Variants in CUBN observed in about 807,000 individuals in gnomAD.
CUBN encodes the protein cubilin.
Under a neutral mutation model 405.3 loss-of-function variants are expected in CUBN, and 282 were observed. That is an observed-to-expected ratio of 0.70 (90% CI 0.63 to 0.77). CUBN has a LOEUF of 0.77. Among genes scored for constraint, CUBN ranks in the 30% least tolerant of loss-of-function variants. The probability of loss-of-function intolerance (pLI) is 0.00; values close to 1 mark genes in which losing one functional copy is unlikely to be tolerated. For missense variants in CUBN, 4,514 were observed against 4,475.2 expected (o/e 1.01, Z -0.25); for synonymous variants, 1,684 against 1,617.0 (o/e 1.04, Z -0.99).
chr10:17,100,668 A>T (rs558686319), intron 13 of CUBN, among the ~76,000 whole-genome samples: 139 of 152,344 alleles, frequency 9.1e-4, no homozygotes, highest in African/African-American at 3.2e-3. Flanking sequence ...GTGGCCTGTT[A>T]TCAAACACAC....
At chr10:17,129,440 G>A (rs1226608809) in intron 1 of CUBN, among the ~76,000 whole-genome samples, 190 bp from the exon 2 acceptor site, 4 of 152,156 alleles carry the variant, frequency 2.6e-5, no homozygotes, top group African/African-American at 9.7e-5. Context: ...CCTGGCAATT[G>A]CAAACAGATT....
chr10:17,098,424 C>T lies in CUBN; in HGVS notation c.1765+1581G>A, dbSNP rs115963586. On this transcript the variant is annotated intron_variant, in intron 14 of 66. Coordinates refer to ENST00000377833, the MANE Select transcript of CUBN (RefSeq NM_001081.4). Reference sequence around the variant, plus strand: ...ATAGTAGTTGACATAGGAAAGAACACTCTTCATCTGATAAAAATTATCTGT... The same window carrying T: ...ATAGTAGTTGACATAGGAAAGAACATTCTTCATCTGATAAAAATTATCTGT... Among the ~76,000 whole-genome samples, 421 of 152,318 alleles carry T rather than the reference C, an allele frequency of 2.8e-3. 1 individual carries two copies. Among genetic ancestry groups the T allele is most frequent in the Non-Finnish European group, 4.5e-3 (307 of 68,016 alleles).
intron 28 of CUBN, among the ~76,000 whole-genome samples, chr10:17,008,455 TGTGTGTGTGC>T (rs1834091875): frequency 6.7e-6 from 1 of 148,244 alleles, no homozygotes; most frequent in African/African-American, 2.6e-5. Context: ...TGTGTGTGTG[TGTGTGTGTGC>T]GCGCTTAGCC....
rs771478110 is a variant in CUBN, at chr10:16,900,658, C to T, written c.8377G>A (p.Gly2793Arg). 3 of 1,614,092 alleles carry T rather than the reference C, an allele frequency of 1.9e-6. No individual in the cohort carries two copies. Among genetic ancestry groups the T allele is most frequent in the Non-Finnish European group, 2.5e-6 (3 of 1,179,964 alleles). The change falls in exon 53 of 67, where the codon GGA becomes AGA. Residue 2793 changes from glycine (G) to arginine (R), a missense_variant. By Grantham distance (125) the Gly-to-Arg change is moderately radical (BLOSUM62 -2). Around this residue, in one of 5 missense-constraint regions of CUBN, gnomAD observed 1,186 missense variants for 1,186.9 expected, o/e 1.00. Coordinates refer to ENST00000377833, the MANE Select transcript of CUBN (RefSeq NM_001081.4). ...FNSDHSLQGG[G>R]FYATWNTQTL... is the part of the protein sequence containing the mutation. ...TGTGTGTTCCACGTAGCATAAAATCCACCACCTTGCAATGAATGGTCTGAG... is the reference window on the plus strand; with the variant it reads ...TGTGTGTTCCACGTAGCATAAAATCTACCACCTTGCAATGAATGGTCTGAG...
At chr10:16,985,948 C>T (rs1833405527) in intron 29 of CUBN, among the ~76,000 whole-genome samples, 1 of 152,190 alleles carries the variant, frequency 6.6e-6, no homozygotes, top group Non-Finnish European at 1.5e-5. Flanking sequence ...CAAGGATAGC[C>T]TAGGCCAGGC....
chr10:17,001,212 T>C (rs1833869167), intron 28 of CUBN, among the ~76,000 whole-genome samples: 1 of 152,180 alleles, frequency 6.6e-6, no homozygotes, highest in Non-Finnish European at 1.5e-5. Flanking sequence ...ATAAACGTAG[T>C]GCGGACCCAA....
rs954436468 is a variant in CUBN, at chr10:16,999,132, C to T, written c.4169-8617G>A. Among the ~76,000 whole-genome samples, 12 of 152,126 alleles carry T rather than the reference C, an allele frequency of 7.9e-5. No individual in the cohort carries two copies. The East Asian group carries it at 9.6e-4, about 12-fold the overall frequency. The stretch of plus-strand genomic sequence containing the variant: ...AAGCTTAGAAATCAATGCTGTGGAC[C>T]GCTATATAATGACCTTTACATTCCT... On this transcript the variant is annotated intron_variant, in intron 28 of 66. Transcript: ENST00000377833.
chr10:16,826,606 A>T (rs1382534295), intron 66 of CUBN, among the ~76,000 whole-genome samples: 5 of 152,250 alleles, frequency 3.3e-5, no homozygotes, highest in African/African-American at 1.2e-4. Context: ...ATGAAATTAT[A>T]TCCACATTTA....
intron 31 of CUBN, among the ~76,000 whole-genome samples, chr10:16,977,546 T>A (rs926769440): frequency 3.3e-5 from 5 of 152,152 alleles, no homozygotes; most frequent in African/African-American, 1.2e-4. Flanking sequence ...TCCATCCCAC[T>A]GGGAGCTGTC....
intron 40 of CUBN, among the ~76,000 whole-genome samples, chr10:16,932,372 G>T (rs1842386721): frequency 6.6e-6 from 1 of 152,132 alleles, no homozygotes; most frequent in African/African-American, 2.4e-5. Context: ...TGGAGGATGT[G>T]GCCTTTCTGC....
At position 16,913,950 on chromosome 10, in the gene CUBN, G is replaced by A; in HGVS notation, c.7394C>T (p.Ser2465Phe). 1 of 1,614,080 alleles carries A rather than the reference G, an allele frequency of 6.2e-7. No individual in the cohort carries two copies. Among genetic ancestry groups the A allele is most frequent in the East Asian group, 2.2e-5 (1 of 44,866 alleles). Residue 2465 changes from serine (S) to phenylalanine (F), a missense_variant, in exon 48 of 67, where the codon TCT (serine) becomes TTT (phenylalanine). Coordinates refer to ENST00000377833, the MANE Select transcript of CUBN (RefSeq NM_001081.4). Reference protein sequence around the residue: ...DLQGSIGTFTSPNYPNPNPHG... With the variant: ...DLQGSIGTFTFPNYPNPNPHG... ...AGGATTTGGGTTCGGGTAGTTGGGA[G>A]AAGTAAATGTTCCAATAGAGCCCTG...
rs79460816 is a variant in CUBN at position 16,963,494 on chromosome 10, T to C, written c.4696-8946A>G. 2.4e-4 allele frequency among the ~76,000 whole-genome samples: 36 copies of C among 152,292 alleles called. No individual in the cohort carries two copies. In the East Asian group the frequency reaches 6.9e-3, roughly 29 times the overall value. On this transcript the variant is annotated intron_variant, in intron 31 of 66. Transcript: ENST00000377833. ...GAGCCACTGTGCCCGGCCTCATATA[T>C]AAATTTCTAACGAAATTTAACATAC...
chr10:16,913,933 G>C lies in CUBN; in HGVS notation c.7411C>G (p.Pro2471Ala). ...TCGCAGATCCGGCCATGAGGATTTG[G>C]GTTCGGGTAGTTGGGAGAAGTAAAT... is the stretch of plus-strand genomic sequence containing the variant. Reference protein sequence around the residue: ...GTFTSPNYPNPNPHGRICEWR... With the variant: ...GTFTSPNYPNANPHGRICEWR... Residue 2471 changes from proline to alanine, a missense_variant, in exon 48 of 67, where the codon CCA becomes GCA. By Grantham distance (27) the Pro-to-Ala change is conservative. Coordinates refer to ENST00000377833, the MANE Select transcript of CUBN (RefSeq NM_001081.4). The C allele has an allele frequency of 6.2e-7, 1 of 1,614,062 alleles. No homozygotes were observed. The highest frequency in any genetic ancestry group is 8.5e-7 in the Non-Finnish European group (1 of 1,180,022).
intron 6 of CUBN, among the ~76,000 whole-genome samples, chr10:17,118,159 T>C (rs115777707): frequency 7.9e-5 from 12 of 152,306 alleles, no homozygotes; most frequent in African/African-American, 2.4e-4. Context: ...CTACAGAGTA[T>C]ACTTCTTTCA....
At chr10:16,985,960 T>C (rs544484523) in intron 29 of CUBN, among the ~76,000 whole-genome samples, 14 of 152,320 alleles carry the variant, frequency 9.2e-5, no homozygotes, top group South Asian at 2.1e-4. Flanking sequence ...AGGCCAGGCC[T>C]CCAGGAGGCC....
In CUBN at chr10:16,835,323, G is replaced by A. The variant is rs182428546; in HGVS notation, c.10181-128C>T. On this transcript the variant is annotated intron_variant, in intron 63 of 66. Coordinates refer to ENST00000377833, the MANE Select transcript of CUBN (RefSeq NM_001081.4). The stretch of plus-strand genomic sequence containing the variant: ...TAGAAAAAAGTAATCCAGCTTCTTC[G>A]TTTACCTTTGAGATAATTGAGACCC... 2.1e-4 allele frequency: 176 copies of A among 846,074 alleles called. 4 individuals are homozygous for A. The highest frequency in any genetic ancestry group is 2.1e-3 in the African/African-American group (122 of 59,500). The allele number at this position is 846,074 out of a possible 1,614,324, so 52.4% of individuals were successfully genotyped here. A position where few individuals can be genotyped will look rare whatever the true frequency, so the allele number is the denominator to read the frequency against.
chr10:17,049,922 T>C (rs888179992), intron 22 of CUBN, among the ~76,000 whole-genome samples: 1 of 152,218 alleles, frequency 6.6e-6, no homozygotes. Context: ...CCTTGGGATA[T>C]GACTAAGACT....
At chr10:16,963,597 G>C (rs1046599412) in intron 31 of CUBN, among the ~76,000 whole-genome samples, 2 of 152,142 alleles carry the variant, frequency 1.3e-5, no homozygotes, top group Non-Finnish European at 2.9e-5. Flanking sequence ...TACAGATATT[G>C]CTTCAAGAAT....
intron 43 of CUBN, among the ~76,000 whole-genome samples, chr10:16,921,844 G>C (rs1408081536): frequency 1.3e-5 from 2 of 152,152 alleles, no homozygotes; most frequent in African/African-American, 4.8e-5. Context: ...CTAGATCCCT[G>C]TTCTGACCTC....
Sources: gnomAD v4.1 joint callset for allele counts (sites outside exome capture counted in the v4.1 genomes callset) on GRCh38, gnomAD v4.1.1 for gene constraint, gnomAD v4.1.1 regional missense constraint, MANE v1.5 for transcripts, NCBI Gene and HGNC (gene_info 2026-07-23, HGNC 2026-07-21) for gene names.